TYW1B: variants seen among roughly 807,000 people sequenced by gnomAD.
The protein encoded by TYW1B is S-adenosyl-L-methionine-dependent tRNA 4-demethylwyosine synthase TYW1B.
A neutral mutation model predicts 86.9 loss-of-function variants in TYW1B; 73 were observed. The ratio of observed to expected loss-of-function variants is 0.84; its 90% CI spans 0.70 to 1.02. The LOEUF (loss-of-function observed/expected upper bound fraction) is 1.02, where lower values mean the gene tolerates loss of function less well. TYW1B is among the 50% of genes least tolerant of loss of function. The pLI, the probability that TYW1B is intolerant of heterozygous loss-of-function variation, is 0.00. For synonymous variants in TYW1B, 248 were observed against 292.8 expected, an observed-to-expected ratio of 0.85 and a Z score of 1.56; for missense variants, 637 against 827.4, an observed-to-expected ratio of 0.77 and a Z score of 2.82.
chr7:72,714,170 C>G (rs1554455415), intron 9 of TYW1B, among the ~76,000 whole-genome samples: 2 of 152,070 alleles, frequency 1.3e-5, no homozygotes, highest in Non-Finnish European at 2.9e-5. Context: ...ACCAATCATT[C>G]CTCAAGTATC....
chr7:72,688,389 G>A (rs1292022540), intron 11 of TYW1B, among the ~76,000 whole-genome samples: 1 of 152,078 alleles, frequency 6.6e-6, no homozygotes, highest in African/African-American at 2.4e-5. Flanking sequence ...TCCATACAAT[G>A]GCTTCCACAC....
At chr7:72,712,270 C>CAA (rs1786683161) in intron 10 of TYW1B, among the ~76,000 whole-genome samples, 1 of 152,164 alleles carries the variant, frequency 6.6e-6, no homozygotes, top group Non-Finnish European at 1.5e-5. Context: ...TAGTCCTCTT[C>CAA]TCCGCTAGCC....
chr7:72,762,414 C>T (rs1178077855), intron 7 of TYW1B, among the ~76,000 whole-genome samples: 1 of 152,006 alleles, frequency 6.6e-6, no homozygotes, highest in African/African-American at 2.4e-5. Context: ...GGGGTGATAA[C>T]TCTCTCCTTC....
In TYW1B at chr7:72,588,731, TA is replaced by T. The variant is rs781959513; in HGVS notation, c.1786-13013del. Reference sequence around the variant, plus strand: ...CCTTCCCTACCTTGTCTGTACAATGTACTTGTTCAAAGTAGACTTTGTATTT... The same window carrying T: ...CCTTCCCTACCTTGTCTGTACAATGTCTTGTTCAAAGTAGACTTTGTATTT... On this transcript the variant is annotated intron_variant, in intron 13 of 13. Coordinates refer to ENST00000620995, the MANE Select transcript of TYW1B (RefSeq NM_001145440.3). Among the ~76,000 whole-genome samples, 38 of 152,274 alleles carry T rather than the reference TA, an allele frequency of 2.5e-4. No homozygotes were observed. The East Asian group carries it at 4.6e-3, about 19-fold the overall frequency.
intron 7 of TYW1B, among the ~76,000 whole-genome samples, chr7:72,752,428 T>C (rs959413312): frequency 1.3e-5 from 2 of 152,090 alleles, no homozygotes; most frequent in Admixed American, 6.6e-5. Flanking sequence ...CACAGGCATA[T>C]ACATGTATAA....
Position 72,666,892 on chromosome 7 carries a change from C to T in TYW1B, c.1506+27795G>A, listed in dbSNP as rs191775262. Among the ~76,000 whole-genome samples, 900 of 151,440 alleles carry T rather than the reference C, an allele frequency of 5.9e-3. 10 individuals are homozygous for T. The highest frequency in any genetic ancestry group is 0.021 in the African/African-American group (857 of 41,300). ...TAAAAATACAAAAAAATTAGCCAGG[C>T]GTGGTGGCAGGCGCCTGTAGTCCCA... On this transcript the variant is annotated intron_variant, in intron 11 of 13. Transcript: ENST00000620995.
At chr7:72,773,411 A>C (rs1787899730) in intron 7 of TYW1B, among the ~76,000 whole-genome samples, 1 of 152,218 alleles carries the variant, frequency 6.6e-6, no homozygotes. Flanking sequence ...GATCCCATAG[A>C]GATAGGAAAC....
chr7:72,585,038 T>C (rs558488040), intron 13 of TYW1B, among the ~76,000 whole-genome samples: 3 of 152,348 alleles, frequency 2.0e-5, no homozygotes, highest in Non-Finnish European at 2.9e-5. Context: ...TCCCATTACA[T>C]GAACTAGTTC....
intron 7 of TYW1B, among the ~76,000 whole-genome samples, chr7:72,745,921 G>A (rs1429131911): frequency 6.6e-6 from 1 of 150,718 alleles, no homozygotes; most frequent in Non-Finnish European, 1.5e-5. Flanking sequence ...CTGGAGTGCA[G>A]TAGTGTGATC....
chr7:72,743,107 G>C (rs1787333183), intron 8 of TYW1B, among the ~76,000 whole-genome samples: 1 of 152,154 alleles, frequency 6.6e-6, no homozygotes, highest in African/African-American at 2.4e-5. Flanking sequence ...GAGAAGATAT[G>C]CAACAGGAAA....
intron 9 of TYW1B, among the ~76,000 whole-genome samples, chr7:72,721,654 A>G (rs1786905757): frequency 6.6e-6 from 1 of 152,060 alleles, no homozygotes. Flanking sequence ...ACACACAGGC[A>G]CACATACACG....
chr7:72,710,883 G>A (rs782816829), intron 10 of TYW1B, among the ~76,000 whole-genome samples: 2 of 152,142 alleles, frequency 1.3e-5, no homozygotes, highest in Non-Finnish European at 2.9e-5. Flanking sequence ...AGAAATAACC[G>A]TGGTCTTAAT....
rs1814513573 is a variant in TYW1B at position 72,703,007 on chromosome 7, TA to T, written c.1371-8186del. Among the ~76,000 whole-genome samples the T allele has an allele frequency of 3.6e-3, 101 of 28,114 alleles. 6 individuals are homozygous for T. The highest frequency in any genetic ancestry group is 0.011 in the African/African-American group (94 of 8,850). 18.4% of individuals were successfully genotyped at this position (28,114 alleles called of 152,430 possible). A position where few individuals can be genotyped will look rare whatever the true frequency, so the allele number is the denominator to read the frequency against. ...CTATCTATATATATATATATATATA[TA>T]TATATATATATATATATATTTTTTT... On this transcript the variant is annotated intron_variant, in intron 10 of 13. Transcript: ENST00000620995.
At chr7:72,576,672 C>T (rs1363008277) in intron 13 of TYW1B, among the ~76,000 whole-genome samples, 7 of 152,086 alleles carry the variant, frequency 4.6e-5, no homozygotes, top group Non-Finnish European at 1.0e-4. Flanking sequence ...GCTAGCACAC[C>T]TGGCTAATTT....
intron 13 of TYW1B, among the ~76,000 whole-genome samples, chr7:72,612,128 T>C (rs1442646801): frequency 1.3e-5 from 2 of 152,130 alleles, no homozygotes; most frequent in African/African-American, 4.8e-5. Context: ...ATGTTACTTT[T>C]AATCTTGATA....
At chr7:72,609,730 A>C (rs1301990479) in intron 13 of TYW1B, among the ~76,000 whole-genome samples, 2 of 152,116 alleles carry the variant, frequency 1.3e-5, no homozygotes, top group Non-Finnish European at 2.9e-5. Flanking sequence ...CTTCCTAAGA[A>C]ATGGTACCAT....
intron 12 of TYW1B, among the ~76,000 whole-genome samples, chr7:72,619,182 C>T (rs1812153552): frequency 6.6e-6 from 1 of 152,166 alleles, no homozygotes; most frequent in South Asian, 2.1e-4. Context: ...TTGAGCTGGA[C>T]TTAGTGTCTC....
At chr7:72,801,776 C>A (rs1317524931) in intron 6 of TYW1B, among the ~76,000 whole-genome samples, 1 of 152,116 alleles carries the variant, frequency 6.6e-6, no homozygotes, top group African/African-American at 2.4e-5. Flanking sequence ...TTCCTAGGGG[C>A]CCCACTCATG....
At position 72,694,809 on chromosome 7, in the gene TYW1B, C is replaced by T. The variant is rs374287825; in HGVS notation, c.1384G>A (p.Val462Ile). Residue 462 changes from valine (V) to isoleucine (I), a missense_variant, in exon 11 of 14, where the codon GTT becomes ATT. By Grantham distance (29) the Val-to-Ile change is conservative. Coordinates refer to ENST00000620995, the MANE Select transcript of TYW1B (RefSeq NM_001145440.3). ...FPAEIRNLEP[V>I]TQLYVSVDAS... ...TCCACACTGACATACAGCTGAGTAA[C>T]TGGCTCGAGGTTCCTTAGTAATTTT... The T allele has an allele frequency of 1.3e-6, 2 of 1,594,372 alleles. No homozygotes were observed. Among genetic ancestry groups the T allele is most frequent in the African/African-American group, 2.7e-5 (2 of 73,652 alleles).
Sources: gnomAD v4.1 joint callset for allele counts (sites outside exome capture counted in the v4.1 genomes callset) on GRCh38, gnomAD v4.1.1 for gene constraint, MANE v1.5 for transcripts, NCBI Gene and HGNC (gene_info 2026-07-23, HGNC 2026-07-21) for gene names.